The following OSTF1 variants were observed in gnomAD, a reference collection of about 807,000 sequenced individuals.
The protein encoded by OSTF1 is osteoclast stimulating factor 1, also known as osteoclast-stimulating factor 1.
Under a neutral mutation model 37.2 loss-of-function variants are expected in OSTF1, and 27 were observed. The observed-to-expected ratio is 0.73, with a 90% CI of 0.54 to 1.00. The LOEUF is 1.00. Among genes scored for constraint, OSTF1 ranks in the 50% least tolerant of loss-of-function variants. The pLI, the probability that OSTF1 is intolerant of heterozygous loss-of-function variation, is 0.00. For synonymous variants in OSTF1, 82 were observed against 89.2 expected, an observed-to-expected ratio of 0.92 and a Z score of 0.46; for missense variants, 232 against 253.8, an observed-to-expected ratio of 0.91 and a Z score of 0.58.
At chr9:75,139,050 C>T (rs1305915332) in intron 8 of OSTF1, among the ~76,000 whole-genome samples, 3 of 136,032 alleles carry the variant, frequency 2.2e-5, no homozygotes, top group Non-Finnish European at 4.5e-5. Flanking sequence ...TTCTTTCTTT[C>T]TTTCTTTTTT....
At chr9:75,112,840 G>A (rs1243908450) in intron 1 of OSTF1, among the ~76,000 whole-genome samples, 3 of 152,142 alleles carry the variant, frequency 2.0e-5, no homozygotes, top group East Asian at 1.9e-4. Flanking sequence ...AAGTTCTATC[G>A]TTATTGATTT....
intron 1 of OSTF1, among the ~76,000 whole-genome samples, chr9:75,090,364 CT>C (rs1564150765): frequency 1.3e-5 from 2 of 151,554 alleles, no homozygotes; most frequent in Non-Finnish European, 2.9e-5. Context: ...TTCATTCACA[CT>C]TGGGGGTTTA....
At chr9:75,094,872 T>C (rs1261103959) in intron 1 of OSTF1, among the ~76,000 whole-genome samples, 1 of 152,068 alleles carries the variant, frequency 6.6e-6, no homozygotes, top group Non-Finnish European at 1.5e-5. Flanking sequence ...GGTGAAACCT[T>C]TTCTGTACAA....
chr9:75,097,383 G>T (rs965882385), intron 1 of OSTF1, among the ~76,000 whole-genome samples: 2 of 152,066 alleles, frequency 1.3e-5, no homozygotes, highest in East Asian at 1.9e-4. Context: ...AACCTATTCT[G>T]TATCTAAATA....
intron 8 of OSTF1, among the ~76,000 whole-genome samples, chr9:75,140,354 G>A (rs1478386540): frequency 6.6e-6 from 1 of 152,170 alleles, no homozygotes; most frequent in Non-Finnish European, 1.5e-5. Context: ...CACAATAAAG[G>A]CAAAGGAAAA....
chr9:75,091,280 A>C (rs1227771312), intron 1 of OSTF1, among the ~76,000 whole-genome samples: 2 of 151,688 alleles, frequency 1.3e-5, no homozygotes, highest in Non-Finnish European at 2.9e-5. Context: ...TAGTAGAGAC[A>C]GGATCCAGGC....
At chr9:75,116,057 T>C (rs1218028929) in intron 1 of OSTF1, among the ~76,000 whole-genome samples, 1 of 152,054 alleles carries the variant, frequency 6.6e-6, no homozygotes, top group Non-Finnish European at 1.5e-5. Context: ...TGAGCTGAGA[T>C]TGTGCCACTG....
chr9:75,141,012 A>T (rs1825934532), intron 9 of OSTF1, 80 bp downstream of exon 9: 6 of 1,045,258 alleles, frequency 5.7e-6, no homozygotes, highest in Non-Finnish European at 7.2e-6. Flanking sequence ...AAAAGAGATA[A>T]ACTCAGCTGA....
At chr9:75,114,178 T>C (rs557090576) in intron 1 of OSTF1, among the ~76,000 whole-genome samples, 1 of 152,352 alleles carries the variant, frequency 6.6e-6, no homozygotes, top group East Asian at 1.9e-4. Context: ...TGTGTGTATG[T>C]ATCACATTTT....
intron 1 of OSTF1, among the ~76,000 whole-genome samples, chr9:75,093,230 A>C (rs1013236187): frequency 6.6e-6 from 1 of 151,910 alleles, no homozygotes; most frequent in Non-Finnish European, 1.5e-5. Flanking sequence ...GAATGAGTAC[A>C]ACCTCTTAGT....
chr9:75,136,750 G>T (rs1450945174), intron 7 of OSTF1, among the ~76,000 whole-genome samples: 1 of 152,168 alleles, frequency 6.6e-6, no homozygotes, highest in Admixed American at 6.5e-5. Flanking sequence ...AGGCCTGCTG[G>T]CGGTTGGGCT....
intron 6 of OSTF1, among the ~76,000 whole-genome samples, chr9:75,133,607 C>G (rs1222740821): frequency 6.6e-6 from 1 of 152,150 alleles, no homozygotes; most frequent in Non-Finnish European, 1.5e-5. Context: ...GGGTCCCTCT[C>G]GCTTGAAAGA....
intron 7 of OSTF1, among the ~76,000 whole-genome samples, chr9:75,134,852 C>T (rs541574386): frequency 1.1e-4 from 17 of 152,054 alleles, no homozygotes; most frequent in Non-Finnish European, 2.4e-4. Flanking sequence ...ATAGTGTTCA[C>T]TGCTTATATA....
chr9:75,143,674 A>C (rs934534373), intron 9 of OSTF1, among the ~76,000 whole-genome samples: 5 of 152,244 alleles, frequency 3.3e-5, no homozygotes, highest in African/African-American at 1.2e-4. Flanking sequence ...GGTTGGTTTT[A>C]AGTGCTGGTT....
At chr9:75,141,443 CAT>C (rs1195369753) in intron 9 of OSTF1, among the ~76,000 whole-genome samples, 1 of 147,370 alleles carries the variant, frequency 6.8e-6, no homozygotes, top group Non-Finnish European at 1.5e-5. Context: ...AGACAAGAAA[CAT>C]AATCTTTTAC....
At chr9:75,133,232 A>T (rs1421634147) in intron 5 of OSTF1, 62 bp from the exon 6 acceptor site, 7 of 1,047,084 alleles carry the variant, frequency 6.7e-6, no homozygotes, top group Non-Finnish European at 1.0e-5. Flanking sequence ...CATTGATTTA[A>T]AAGCAAAATA....
chr9:75,141,191 C>T (rs932788760), intron 9 of OSTF1, among the ~76,000 whole-genome samples: 1 of 151,748 alleles, frequency 6.6e-6, no homozygotes, highest in South Asian at 2.1e-4. Flanking sequence ...GTCCCAGCTA[C>T]TCAGGAGGCT....
At chr9:75,137,284 C>T (rs1825857892) in intron 7 of OSTF1, among the ~76,000 whole-genome samples, 1 of 152,186 alleles carries the variant, frequency 6.6e-6, no homozygotes, top group South Asian at 2.1e-4. Context: ...TCTCCCTCCG[C>T]AGGCATGTGC....
At chr9:75,090,512 G>A (rs914815979) in intron 1 of OSTF1, among the ~76,000 whole-genome samples, 1 of 152,054 alleles carries the variant, frequency 6.6e-6, no homozygotes, top group Non-Finnish European at 1.5e-5. Context: ...GTTTTATCTG[G>A]TCCTTGATTC....
Sources: allele counts gnomAD v4.1 joint callset (sites outside exome capture counted in the v4.1 genomes callset), GRCh38; gene constraint gnomAD v4.1.1; transcripts MANE v1.5; gene names NCBI Gene and HGNC (gene_info 2026-07-23, HGNC 2026-07-21).